Variants in SHC3 observed in about 807,000 individuals in gnomAD.
The protein encoded by SHC3 is SHC-transforming protein 3.
Under a neutral mutation model 60.4 loss-of-function variants are expected in SHC3, and 15 were observed. The observed-to-expected ratio is 0.25, with a 90% CI of 0.17 to 0.38. The LOEUF is 0.38. SHC3 is among the 10% of genes least tolerant of loss of function. The pLI is 1.00. For missense variants in SHC3, 677 were observed against 786.1 expected (o/e 0.86, Z 1.66); for synonymous variants, 294 against 325.9 (o/e 0.90, Z 1.05).
chr9:89,062,030 G>T (rs528842779), intron 6 of SHC3, among the ~76,000 whole-genome samples: 74 of 152,288 alleles, frequency 4.9e-4, no homozygotes, highest in African/African-American at 1.7e-3. Context: ...ACCAGAGGGC[G>T]CCTGATCAGG....
chr9:89,056,469 C>A lies in SHC3; in HGVS notation c.836-4306G>T, dbSNP rs553116381. Among the ~76,000 whole-genome samples, 4 of 152,296 alleles carry A rather than the reference C, an allele frequency of 2.6e-5. No homozygotes were observed. In the South Asian group the frequency reaches 6.2e-4, roughly 24 times the overall value. ...GACCAAGCTGGTCTCGAACTCCTGGCCTCAAGTGATAAAGTGCTGGGATTA... is the reference window on the plus strand; with the variant it reads ...GACCAAGCTGGTCTCGAACTCCTGGACTCAAGTGATAAAGTGCTGGGATTA... On this transcript the variant is annotated intron_variant, in intron 6 of 11. Coordinates refer to ENST00000375835, the MANE Select transcript of SHC3 (RefSeq NM_016848.6).
At position 89,013,276 on chromosome 9, in the gene SHC3, G is replaced by T; in HGVS notation, c.*171C>A. 1.4e-6 allele frequency: 1 copy of T among 691,478 alleles called. No individual in the cohort carries two copies. The highest frequency in any genetic ancestry group is 2.1e-6 in the Non-Finnish European group (1 of 468,622). The allele number at this position is 691,478 out of a possible 1,614,324, so 42.8% of individuals were successfully genotyped here. ...ATGTACACCTTTAATATGCATATGA[G>T]AAATTCAGAACCAAGTTTATGAAAC... On this transcript the variant is annotated 3_prime_UTR_variant, in exon 12 of 12. Coordinates refer to ENST00000375835, the MANE Select transcript of SHC3 (RefSeq NM_016848.6).
intron 9 of SHC3, among the ~76,000 whole-genome samples, chr9:89,044,393 G>A (rs1258331175): frequency 6.6e-6 from 1 of 152,194 alleles, no homozygotes; most frequent in Non-Finnish European, 1.5e-5. Context: ...CAGGCGAGAC[G>A]AAATTCTCTT....
intron 1 of SHC3, among the ~76,000 whole-genome samples, chr9:89,127,779 A>AC (rs199506968): frequency 0.081 from 11,762 of 144,432 alleles, 689 homozygotes; most frequent in African/African-American, 0.17. Context: ...TCCCCACTCC[A>AC]CCCCCCCCCA....
intron 2 of SHC3, among the ~76,000 whole-genome samples, chr9:89,093,286 G>A (rs1177228020): frequency 6.6e-6 from 1 of 152,116 alleles, no homozygotes; most frequent in Non-Finnish European, 1.5e-5. Flanking sequence ...TGCATAGAAT[G>A]GTTCCATTTA....
intron 11 of SHC3, among the ~76,000 whole-genome samples, chr9:89,024,664 G>T (rs1179670961): frequency 2.0e-5 from 3 of 152,224 alleles, no homozygotes; most frequent in African/African-American, 7.2e-5. Context: ...ACAGTGCGTG[G>T]CATCAAGGAC....
intron 1 of SHC3, among the ~76,000 whole-genome samples, chr9:89,161,782 G>C (rs1029093016): frequency 6.8e-6 from 1 of 147,486 alleles, no homozygotes; most frequent in Non-Finnish European, 1.5e-5. Context: ...TATTCAATTA[G>C]GAAAAGAGGA....
chr9:89,070,721 C>T (rs1825256877), intron 5 of SHC3, among the ~76,000 whole-genome samples: 1 of 152,088 alleles, frequency 6.6e-6, no homozygotes, highest in Non-Finnish European at 1.5e-5. Flanking sequence ...TCCTTGTTGG[C>T]AAAGCAAACT....
chr9:89,031,832 T>C (rs1029327890), intron 11 of SHC3, among the ~76,000 whole-genome samples: 58 of 152,302 alleles, frequency 3.8e-4, no homozygotes, highest in African/African-American at 1.2e-3. Context: ...ATGTAAAAGG[T>C]ATGTTGCTGA....
chr9:89,148,290 G>T (rs10867155), intron 1 of SHC3, among the ~76,000 whole-genome samples: 141,012 of 152,274 alleles, frequency 0.93, 65,397 homozygotes, highest in East Asian at 0.98. Context: ...TGAGAACTTG[G>T]ACATTGTAGT....
At chr9:89,063,867 A>C (rs963363870) in intron 6 of SHC3, among the ~76,000 whole-genome samples, 3 of 152,200 alleles carry the variant, frequency 2.0e-5, no homozygotes, top group Non-Finnish European at 2.9e-5. Flanking sequence ...TCTCCCACTA[A>C]CTGTCTCAAA....
At chr9:89,131,710 G>A (rs575244786) in intron 1 of SHC3, among the ~76,000 whole-genome samples, 62 of 152,032 alleles carry the variant, frequency 4.1e-4, no homozygotes, top group Middle Eastern at 6.8e-3. Flanking sequence ...ATTCAACAGC[G>A]CTTCATGCCA....
chr9:89,109,398 A>G, intron 2 of SHC3: 2 of 982,026 alleles, frequency 2.0e-6, no homozygotes, highest in Non-Finnish European at 1.2e-6. Flanking sequence ...GAATACATAC[A>G]TAGAGTTGGG....
At chr9:89,077,537 G>A (rs535624690) in intron 3 of SHC3, among the ~76,000 whole-genome samples, 1 of 152,340 alleles carries the variant, frequency 6.6e-6, no homozygotes, top group South Asian at 2.1e-4. Context: ...TAAGTAAATT[G>A]ATGTATTGAA....
intron 6 of SHC3, among the ~76,000 whole-genome samples, chr9:89,055,401 C>A (rs79148204): frequency 0.01 from 1,558 of 152,334 alleles, 22 homozygotes; most frequent in African/African-American, 0.035. Flanking sequence ...GACACCTATT[C>A]TGTGAGTCAG....
intron 2 of SHC3, among the ~76,000 whole-genome samples, chr9:89,088,356 T>A (rs1313974201): frequency 6.6e-6 from 1 of 152,240 alleles, no homozygotes; most frequent in African/African-American, 2.4e-5. Context: ...TATTGATTGA[T>A]GTTTGCCTGT....
At chr9:89,028,863 T>C (rs1314345792) in intron 11 of SHC3, among the ~76,000 whole-genome samples, 1 of 147,564 alleles carries the variant, frequency 6.8e-6, no homozygotes, top group Non-Finnish European at 1.5e-5. Flanking sequence ...TATCTATATA[T>C]AGATTAGATA....
chr9:89,050,924 T>C (rs868783879), intron 7 of SHC3, among the ~76,000 whole-genome samples: 8 of 151,466 alleles, frequency 5.3e-5, no homozygotes, highest in Admixed American at 4.6e-4. Context: ...TTTAATATGA[T>C]GGCCATAAGG....
intron 1 of SHC3, among the ~76,000 whole-genome samples, chr9:89,154,283 A>G (rs1450035984): frequency 1.3e-5 from 2 of 151,954 alleles, no homozygotes; most frequent in Non-Finnish European, 2.9e-5. Context: ...TCTTCTTCCA[A>G]TGTGGCCCAG....
Sources: allele counts gnomAD v4.1 joint callset (sites outside exome capture counted in the v4.1 genomes callset), GRCh38; gene constraint gnomAD v4.1.1; transcripts MANE v1.5; gene names NCBI Gene and HGNC (gene_info 2026-07-23, HGNC 2026-07-21).